The following MGMT variants were observed in gnomAD, a reference collection of about 807,000 sequenced individuals.
MGMT encodes the protein methylated-DNA--protein-cysteine methyltransferase.
MGMT carries 14 observed loss-of-function variants against 15.9 expected under a neutral mutation model. The observed-to-expected ratio is 0.88, with a 90% CI of 0.58 to 1.37. The LOEUF (loss-of-function observed/expected upper bound fraction) is 1.37. MGMT is among the 40% of genes most tolerant of loss of function. The pLI is 0.00. For missense variants in MGMT, 282 were observed against 268.1 expected (o/e 1.05, Z -0.36); for synonymous variants, 130 against 118.2 (o/e 1.10, Z -0.65).
intron 3 of MGMT, among the ~76,000 whole-genome samples, chr10:129,708,286 A>G (rs1848191803): frequency 6.6e-6 from 1 of 152,212 alleles, no homozygotes; most frequent in South Asian, 2.1e-4. Flanking sequence ...AAGCATGCAG[A>G]TCGACTCTTG....
chr10:129,625,309 A>C (rs368825775), intron 2 of MGMT, among the ~76,000 whole-genome samples: 1 of 152,224 alleles, frequency 6.6e-6, no homozygotes, highest in Admixed American at 6.5e-5. Flanking sequence ...TTCCAATCTT[A>C]TATTAGCCCT....
chr10:129,657,993 T>C (rs952666067), intron 2 of MGMT, among the ~76,000 whole-genome samples: 2 of 152,114 alleles, frequency 1.3e-5, no homozygotes, highest in African/African-American at 2.4e-5. Context: ...GGTGTTGAGA[T>C]TGGTAGTTCT....
intron 2 of MGMT, among the ~76,000 whole-genome samples, chr10:129,582,199 G>T (rs1846564510): frequency 6.6e-6 from 1 of 152,242 alleles, no homozygotes; most frequent in Non-Finnish European, 1.5e-5. Context: ...TACGTCTCAT[G>T]AATGTGCGTG....
At chr10:129,597,937 T>C (rs1340434018) in intron 2 of MGMT, among the ~76,000 whole-genome samples, 2 of 152,312 alleles carry the variant, frequency 1.3e-5, no homozygotes, top group African/African-American at 4.8e-5. Flanking sequence ...GTATTCTGTG[T>C]TGCTTCAGAG....
intron 3 of MGMT, among the ~76,000 whole-genome samples, chr10:129,715,891 G>GAT (rs1848289398): frequency 6.6e-6 from 1 of 152,132 alleles, no homozygotes; most frequent in African/African-American, 2.4e-5. Flanking sequence ...AGATTCATGA[G>GAT]TCTCTGTCCC....
At chr10:129,630,728 C>T (rs528335631) in intron 2 of MGMT, among the ~76,000 whole-genome samples, 1 of 152,308 alleles carries the variant, frequency 6.6e-6, no homozygotes, top group Admixed American at 6.5e-5. Flanking sequence ...TAAAAGAATC[C>T]ATTTTTAATG....
In MGMT at chr10:129,588,934, G is replaced by T. The variant is rs556929642; in HGVS notation, c.125+52557G>T. ...AGAAACTCGCGCAGATTCCCCTCAG[G>T]GGGAGGGAAGCTGTTTTGTAGGTGT... On this transcript the variant is annotated intron_variant, in intron 2 of 4. Coordinates refer to ENST00000651593, the MANE Select transcript of MGMT (RefSeq NM_002412.5). 1.6e-4 allele frequency among the ~76,000 whole-genome samples: 24 copies of T among 152,354 alleles called. No individual in the cohort carries two copies. In the South Asian group the frequency reaches 5.0e-3, roughly 32 times the overall value.
intron 3 of MGMT, among the ~76,000 whole-genome samples, chr10:129,724,914 C>CA (rs1285399243): frequency 2.0e-5 from 3 of 152,160 alleles, no homozygotes; most frequent in African/African-American, 7.2e-5. Context: ...GGTGAAGATA[C>CA]AACCTAGTAT....
At chr10:129,755,576 C>T (rs1848796458) in intron 3 of MGMT, among the ~76,000 whole-genome samples, 1 of 152,194 alleles carries the variant, frequency 6.6e-6, no homozygotes. Context: ...GCCACACGGA[C>T]CTTGACAGGT....
intron 2 of MGMT, among the ~76,000 whole-genome samples, chr10:129,613,398 G>A (rs1846984957): frequency 6.6e-6 from 1 of 152,200 alleles, no homozygotes; most frequent in Non-Finnish European, 1.5e-5. Flanking sequence ...GTGGGCTTCA[G>A]TGATTTGGGC....
At chr10:129,661,599 A>C (rs1252650987) in intron 2 of MGMT, among the ~76,000 whole-genome samples, 2 of 152,224 alleles carry the variant, frequency 1.3e-5, no homozygotes, top group African/African-American at 4.8e-5. Context: ...GTAACTCTGC[A>C]GTATGGCTAC....
chr10:129,518,289 C>G (rs1347697808), intron 1 of MGMT, among the ~76,000 whole-genome samples: 2 of 150,302 alleles, frequency 1.3e-5, no homozygotes, highest in African/African-American at 4.9e-5. Context: ...CTTTATAAAT[C>G]TTAAAGATGA....
At chr10:129,647,087 C>T (rs991516383) in intron 2 of MGMT, among the ~76,000 whole-genome samples, 2 of 152,058 alleles carry the variant, frequency 1.3e-5, no homozygotes, top group Non-Finnish European at 2.9e-5. Context: ...CGTGTCTCTG[C>T]GAGGCTCCTC....
chr10:129,506,798 A>C (rs1295086485), intron 1 of MGMT, among the ~76,000 whole-genome samples: 1 of 151,634 alleles, frequency 6.6e-6, no homozygotes, highest in East Asian at 1.9e-4. Flanking sequence ...TTCTTAATCT[A>C]CCCCCTTTAA....
intron 3 of MGMT, among the ~76,000 whole-genome samples, chr10:129,750,013 AGATG>A (rs1242115519): frequency 6.6e-6 from 1 of 152,016 alleles, no homozygotes; most frequent in Admixed American, 6.6e-5. Context: ...AATATATTTT[AGATG>A]CAAGTCTTTT....
intron 2 of MGMT, among the ~76,000 whole-genome samples, chr10:129,607,028 G>T (rs1393983979): frequency 6.6e-6 from 1 of 152,184 alleles, no homozygotes; most frequent in Non-Finnish European, 1.5e-5. Flanking sequence ...ACAACTTAGA[G>T]GGTTCTTGCC....
chr10:129,565,144 G>A (rs1017575100), intron 2 of MGMT, among the ~76,000 whole-genome samples: 1 of 152,240 alleles, frequency 6.6e-6, no homozygotes, highest in Non-Finnish European at 1.5e-5. Context: ...CAGGACCGAA[G>A]CCTGCTCCTC....
At chr10:129,638,588 G>A (rs1385939774) in intron 2 of MGMT, among the ~76,000 whole-genome samples, 2 of 152,042 alleles carry the variant, frequency 1.3e-5, no homozygotes, top group East Asian at 1.9e-4. Flanking sequence ...TTTGTCAACA[G>A]CAATATTGAA....
chr10:129,635,543 G>C (rs1847255826), intron 2 of MGMT, among the ~76,000 whole-genome samples: 1 of 152,214 alleles, frequency 6.6e-6, no homozygotes, highest in Admixed American at 6.5e-5. Flanking sequence ...TTTTTGGTGA[G>C]AGGGTCAATC....
Sources: allele counts gnomAD v4.1 joint callset (sites outside exome capture counted in the v4.1 genomes callset), GRCh38; gene constraint gnomAD v4.1.1; transcripts MANE v1.5; gene names NCBI Gene and HGNC (gene_info 2026-07-23, HGNC 2026-07-21).